Variants in ERCC5 observed in about 807,000 individuals in gnomAD.
ERCC5 encodes DNA excision repair protein ERCC-5.
In ERCC5, 68 loss-of-function variants were observed where a neutral mutation model predicts 105.6. The observed-to-expected ratio is 0.64, with a 90% CI of 0.53 to 0.79. The LOEUF (loss-of-function observed/expected upper bound fraction) is 0.79. Among genes scored for constraint, ERCC5 ranks in the 30% least tolerant of loss-of-function variants. ERCC5 has a pLI of 0.00. For synonymous variants in ERCC5, 546 were observed against 526.2 expected, an observed-to-expected ratio of 1.04 and a Z score of -0.51; for missense variants, 1,373 against 1,426.7, an observed-to-expected ratio of 0.96 and a Z score of 0.61.
chr13:102,853,783 A>G lies in ERCC5; in HGVS notation c.291A>G (p.Leu97=), dbSNP rs757483997. Residue 97 remains leucine, a synonymous_variant, in exon 3 of 15, where the codon TTA becomes TTG. Transcript: ENST00000652225. ...TGAAGAGAAGGCAGAGAAAGGACTT[A>G]GCGTCCAGTGACTCCAGGAAAACGA... The part of the protein sequence containing the change: ...TLVKRRQRKD[L]ASSDSRKTTE... The G allele has an allele frequency of 6.2e-7, 1 of 1,614,232 alleles. No individual in the cohort carries two copies. The highest frequency in any genetic ancestry group is 8.5e-7 in the Non-Finnish European group (1 of 1,180,032).
chr13:102,855,282 C>T (rs143123695), intron 4 of ERCC5, among the ~76,000 whole-genome samples: 4,744 of 151,536 alleles, frequency 0.031, 253 homozygotes, highest in African/African-American at 0.11. Context: ...GAGATGGAGT[C>T]TCTGTTGCCC....
At position 102,865,801 on chromosome 13, in the gene ERCC5, T is replaced by C; in HGVS notation, c.2089T>C (p.Ser697Pro). The C allele has an allele frequency of 6.2e-7, 1 of 1,614,098 alleles. No homozygotes were observed. The highest frequency in any genetic ancestry group is 1.1e-5 in the South Asian group (1 of 91,076). Residue 697 changes from serine to proline, a missense_variant, in exon 9 of 15, where the codon TCC becomes CCC. Physicochemically the swap from Ser to Pro is moderately conservative, Grantham distance 74 (BLOSUM62 -1). Around this residue, in one of 3 missense-constraint regions of ERCC5, gnomAD observed 1,004 missense variants for 1,059.7 expected, o/e 0.95. Transcript: ENST00000652225. This position sits in a 1 kb window ranked among gnomAD's most constrained non-coding sequence, Gnocchi z 4.0. The part of the protein sequence containing the change: ...GTREGEAPAE[S>P]ESLLRDNSER... Reference sequence around the variant, plus strand: ...TAGGGAGGGAGAAGCCCCTGCTGAGTCCGAGAGCCTCCTGAGGGACAACTC... The same window carrying C: ...TAGGGAGGGAGAAGCCCCTGCTGAGCCCGAGAGCCTCCTGAGGGACAACTC...
intron 12 of ERCC5, among the ~76,000 whole-genome samples, chr13:102,870,459 T>C (rs1882996087): frequency 6.6e-6 from 1 of 152,086 alleles, no homozygotes; most frequent in South Asian, 2.1e-4. Flanking sequence ...GCTCAGCTGA[T>C]TGACAGACAC....
Position 102,863,049 on chromosome 13 carries a change from A to T in ERCC5, c.1900A>T (p.Ile634Phe), listed in dbSNP as rs760908197. ...TESAGQDLISIPKAVEPMEID... is the reference protein window; with the variant it reads ...TESAGQDLISFPKAVEPMEID... ...ATCTGCAGGCCAGGATTTAATTTCC[A>T]TTCCAAAGGCCGTGGAACCAATGGA... Residue 634 changes from isoleucine (I) to phenylalanine (F), a missense_variant, in exon 8 of 15, where the codon ATT (isoleucine) becomes TTT (phenylalanine). By Grantham distance (21) the Ile-to-Phe change is conservative. Around this residue, in one of 3 missense-constraint regions of ERCC5, gnomAD observed 1,004 missense variants for 1,059.7 expected, o/e 0.95. Transcript: ENST00000652225. 1.2e-6 allele frequency: 2 copies of T among 1,614,170 alleles called. No individual in the cohort carries two copies. The highest frequency in any genetic ancestry group is 1.7e-6 in the Non-Finnish European group (2 of 1,180,028).
chr13:102,857,114 G>GCATTTTTTGATTCC (rs1444909488), intron 5 of ERCC5, among the ~76,000 whole-genome samples: 2 of 152,128 alleles, frequency 1.3e-5, no homozygotes, highest in Non-Finnish European at 2.9e-5. Flanking sequence ...GTCACAGATA[G>GCATTTTTTGATTCC]CATTTTTTGA....
chr13:102,869,678 C>A (rs1181684580), intron 12 of ERCC5, among the ~76,000 whole-genome samples: 1 of 152,080 alleles, frequency 6.6e-6, no homozygotes, highest in Non-Finnish European at 1.5e-5. Flanking sequence ...AATCAAGTGT[C>A]TTTTGTTATT....
At chr13:102,870,567 CT>C (rs1220786298) in intron 12 of ERCC5, among the ~76,000 whole-genome samples, 1 of 152,168 alleles carries the variant, frequency 6.6e-6, no homozygotes, top group Non-Finnish European at 1.5e-5. Flanking sequence ...CTGATTCTAA[CT>C]GCCAGTCATG....
In ERCC5 at chr13:102,875,990, A is replaced by G. The variant is rs1187840792; in HGVS notation, c.*87A>G. ...AGACGTAATAAAATTAACTGGTGGC[A>G]CGGTCTTTGTATTTAGTGTGTGGTT... On this transcript the variant is annotated 3_prime_UTR_variant, in exon 15 of 15. Transcript: ENST00000652225. 5 of 1,486,372 alleles carry G rather than the reference A, an allele frequency of 3.4e-6. No homozygotes were observed. Among genetic ancestry groups the G allele is most frequent in the Admixed American group, 3.6e-5 (2 of 56,322 alleles). 92.1% of individuals were successfully genotyped at this position (1,486,372 alleles called of 1,614,324 possible).
In ERCC5 at chr13:102,862,054, A is replaced by C. The variant is rs776862585; in HGVS notation, c.905A>C (p.Glu302Ala). 3 of 1,614,246 alleles carry C rather than the reference A, an allele frequency of 1.9e-6. No homozygotes were observed. The Admixed American group carries it at 5.0e-5, about 27-fold the overall frequency. The stretch of plus-strand genomic sequence containing the variant: ...GGTATTCAAGCTAAGACAGTTGCAG[A>C]AGTGGATTCAGAGTCTCTTCCTTCT... ...IKGIQAKTVA[E>A]VDSESLPSSS... The change falls in exon 8 of 15, where the codon GAA (glutamate) becomes GCA (alanine). Residue 302 changes from glutamate (E) to alanine (A), a missense_variant. Coordinates refer to ENST00000652225, the MANE Select transcript of ERCC5 (RefSeq NM_000123.4).
chr13:102,874,179 C>T (rs1883120463), intron 14 of ERCC5, among the ~76,000 whole-genome samples: 1 of 151,994 alleles, frequency 6.6e-6, no homozygotes, highest in Non-Finnish European at 1.5e-5. Flanking sequence ...TCTCCTTTTT[C>T]ATTCTAAAAC....
chr13:102,863,134 A>G (rs2140528966), intron 8 of ERCC5, 31 bp downstream of exon 8: 1 of 1,603,768 alleles, frequency 6.2e-7, no homozygotes, highest in South Asian at 1.1e-5. Context: ...AGAAATCTGG[A>G]ACGGTAGGAT....
rs1883063280 is a variant in ERCC5 at position 102,872,346 on chromosome 13, G to T, written c.2827G>T (p.Asp943Tyr). Reference protein sequence around the residue: ...AEAYLKPVVDDSKGSFLWGKP... With the variant: ...AEAYLKPVVDYSKGSFLWGKP... ...GGCCTACCTCAAACCCGTGGTGGATGACTCGAAGGGATCCTTTCTGTGGGG... is the reference window on the plus strand; with the variant it reads ...GGCCTACCTCAAACCCGTGGTGGATTACTCGAAGGGATCCTTTCTGTGGGG... Residue 943 changes from aspartate (D) to tyrosine (Y), a missense_variant, in exon 13 of 15, where the codon GAC becomes TAC. By Grantham distance (160) the Asp-to-Tyr change is radical (BLOSUM62 -3). Transcript: ENST00000652225. 6.2e-7 allele frequency: 1 copy of T among 1,614,186 alleles called. No individual in the cohort carries two copies. The highest frequency in any genetic ancestry group is 1.3e-5 in the African/African-American group (1 of 75,042).
Position 102,854,336 on chromosome 13 carries a change from CTA to C in ERCC5, c.431_432del (p.Tyr144CysfsTer18). ...CCCAAGTTCGAAGAGAAAACGACCT[CTA>C]TGTTTTGCCTCCTTTACAAGAGGAA... is the stretch of plus-strand genomic sequence containing the variant. Reference protein sequence around the residue: ...LTQVRRENDLYVLPPLQEEEK... With the variant: ...LTQVRRENDLXVLPPLQEEEK... On this transcript the variant is annotated frameshift_variant, in exon 4 of 15. Coordinates refer to ENST00000652225, the MANE Select transcript of ERCC5 (RefSeq NM_000123.4). LOFTEE classifies it high-confidence loss of function. 1 of 1,614,118 alleles carries C rather than the reference CTA, an allele frequency of 6.2e-7. No individual in the cohort carries two copies. The highest frequency in any genetic ancestry group is 1.1e-5 in the South Asian group (1 of 91,086).
In ERCC5 at chr13:102,866,332, A is replaced by G; in HGVS notation, c.2270A>G (p.Gln757Arg). 6.2e-7 allele frequency: 1 copy of G among 1,614,248 alleles called. No homozygotes were observed. Among genetic ancestry groups the G allele is most frequent in the Non-Finnish European group, 8.5e-7 (1 of 1,180,044 alleles). Residue 757 changes from glutamine (Q) to arginine (R), a missense_variant, in exon 10 of 15, where the codon CAA (glutamine) becomes CGA (arginine). Physicochemically the swap from Gln to Arg is conservative, Grantham distance 43. Around this residue, in one of 3 missense-constraint regions of ERCC5, gnomAD observed 1,004 missense variants for 1,059.7 expected, o/e 0.95. Transcript: ENST00000652225. ...TCACTGAAAGCTCAAAAACAGCAGC[A>G]AGAACGGATCGCTGCTACTGTCACC... ...QNSLKAQKQQ[Q>R]ERIAATVTGQ...
chr13:102,858,125 C>A, intron 5 of ERCC5, 150 bp from the exon 6 acceptor site: 1 of 1,106,038 alleles, frequency 9.0e-7, no homozygotes, highest in Non-Finnish European at 1.3e-6. Flanking sequence ...CACTTTGTTG[C>A]CTGTCACAGA....
intron 14 of ERCC5, among the ~76,000 whole-genome samples, chr13:102,874,057 G>GT (rs1169715347): frequency 6.6e-6 from 1 of 152,078 alleles, no homozygotes; most frequent in Non-Finnish European, 1.5e-5. Flanking sequence ...GTTTCTCTTT[G>GT]TTTTTTGGAT....
Position 102,862,308 on chromosome 13 carries a change from ACTCTTTC to A in ERCC5, c.1160_1166del (p.Thr387LysfsTer13). On this transcript the variant is annotated frameshift_variant, in exon 8 of 15. Transcript: ENST00000652225. LOFTEE classifies it high-confidence loss of function. ...AGACGAAGGCTCCATATCACCCCGG[ACTCTTTC>A]AGCCATTAAGAGAGCTCTTGACGAT... 1.2e-6 allele frequency: 2 copies of A among 1,613,864 alleles called. No homozygotes were observed. Among genetic ancestry groups the A allele is most frequent in the Non-Finnish European group, 1.7e-6 (2 of 1,179,990 alleles).
intron 12 of ERCC5, among the ~76,000 whole-genome samples, chr13:102,870,202 G>GTCCAAAT (rs1882987106): frequency 6.6e-6 from 1 of 152,202 alleles, no homozygotes; most frequent in Non-Finnish European, 1.5e-5. Context: ...ATTTGGTTTG[G>GTCCAAAT]ACTACACGGT....
chr13:102,860,815 G>T (rs1037928261), intron 6 of ERCC5, among the ~76,000 whole-genome samples: 1 of 152,080 alleles, frequency 6.6e-6, no homozygotes, highest in Non-Finnish European at 1.5e-5. Flanking sequence ...TGTGATTACT[G>T]TGATTTATTG....
Sources: allele counts gnomAD v4.1 joint callset (sites outside exome capture counted in the v4.1 genomes callset), GRCh38; gene constraint gnomAD v4.1.1; regional missense constraint gnomAD v4.1.1; non-coding constraint Gnocchi (gnomAD v3.1); transcripts MANE v1.5; gene names NCBI Gene and HGNC (gene_info 2026-07-23, HGNC 2026-07-21).